Variants in CC2D2A observed in about 807,000 individuals in gnomAD.
CC2D2A encodes coiled-coil and C2 domain-containing protein 2A.
CC2D2A carries 155 observed loss-of-function variants against 212.9 expected under a neutral mutation model. The ratio of observed to expected loss-of-function variants is 0.73; its 90% CI spans 0.64 to 0.83. The LOEUF (loss-of-function observed/expected upper bound fraction) is 0.83. CC2D2A is among the 40% of genes least tolerant of loss of function. The pLI is 0.00. For missense variants in CC2D2A, 1,856 were observed against 1,956.2 expected, an observed-to-expected ratio of 0.95 and a Z score of 0.97; for synonymous variants, 667 against 686.5, an observed-to-expected ratio of 0.97 and a Z score of 0.44.
chr4:15,600,815 C>G (rs1306691426), intron 36 of CC2D2A, among the ~76,000 whole-genome samples: 1 of 147,096 alleles, frequency 6.8e-6, no homozygotes, highest in Non-Finnish European at 1.5e-5. Flanking sequence ...GTGGGGGGAC[C>G]ATTTGAGCCC....
chr4:15,577,665 G>T (rs1019220876), intron 29 of CC2D2A, among the ~76,000 whole-genome samples: 1 of 151,850 alleles, frequency 6.6e-6, no homozygotes, highest in African/African-American at 2.4e-5. Flanking sequence ...AGAGGCAAGT[G>T]ACTCAACAGA....
intron 4 of CC2D2A, chr4:15,481,697 C>T: frequency 8.9e-6 from 7 of 785,614 alleles, no homozygotes; most frequent in Non-Finnish European, 1.1e-5. Flanking sequence ...CCAAAATAAA[C>T]CTCTTTTCTT....
At chr4:15,510,601 T>C (rs1276017545) in intron 7 of CC2D2A, among the ~76,000 whole-genome samples, 1 of 152,038 alleles carries the variant, frequency 6.6e-6, no homozygotes, top group Non-Finnish European at 1.5e-5. Context: ...ATCTCTTAAT[T>C]AAAAATAAAT....
rs376562389 is a variant in CC2D2A at position 15,537,011 on chromosome 4, T to C, written c.1699T>C (p.Tyr567His). The C allele has an allele frequency of 3.7e-6, 6 of 1,612,308 alleles. No homozygotes were observed. In the African/African-American group the frequency reaches 8.1e-5, roughly 22 times the overall value. ...SELLEEHTEE[Y>H]AQKMEEYRTS... The stretch of plus-strand genomic sequence containing the variant: ...ACTGTTAGAAGAGCACACGGAGGAG[T>C]ACGCACAGAAGATGGAAGAATACAG... Residue 567 changes from tyrosine to histidine, a missense_variant, in exon 15 of 37, where the codon TAC (tyrosine) becomes CAC (histidine). By Grantham distance (83) the Tyr-to-His change is moderately conservative. This residue lies in a region of CC2D2A where 1,512 missense variants were observed against 1,579.3 expected (regional missense o/e 0.96). Transcript: ENST00000424120.
chr4:15,481,578 C>T (rs146285754), intron 4 of CC2D2A: 173 of 173,146 alleles, frequency 1.0e-3, no homozygotes, highest in Non-Finnish European at 1.8e-3. Context: ...TCTCACCATG[C>T]GACACACCTG....
chr4:15,535,005 GAAAAA>G (rs958217895), intron 14 of CC2D2A, among the ~76,000 whole-genome samples: 1 of 138,428 alleles, frequency 7.2e-6, no homozygotes, highest in Non-Finnish European at 1.6e-5. Context: ...TTATAAAATT[GAAAAA>G]AAAAAGGTTA....
chr4:15,477,725 G>C (rs746016705), intron 2 of CC2D2A, among the ~76,000 whole-genome samples: 10 of 152,134 alleles, frequency 6.6e-5, no homozygotes, highest in Non-Finnish European at 8.8e-5. Flanking sequence ...TCAGAGATCA[G>C]GTCACATACA....
intron 6 of CC2D2A, among the ~76,000 whole-genome samples, chr4:15,505,054 A>G (rs530998534): frequency 6.6e-6 from 1 of 152,188 alleles, no homozygotes; most frequent in Admixed American, 6.5e-5. Context: ...AGTTCTTGGT[A>G]TTGTTTTGAG....
chr4:15,491,169 G>A (rs1395184143), intron 4 of CC2D2A, among the ~76,000 whole-genome samples: 4 of 152,224 alleles, frequency 2.6e-5, no homozygotes, highest in South Asian at 2.1e-4. Flanking sequence ...AGAAACTGCC[G>A]ATATACTTTT....
In CC2D2A at chr4:15,536,993, G is replaced by A; in HGVS notation, c.1681G>A (p.Glu561Lys). 2 of 1,613,858 alleles carry A rather than the reference G, an allele frequency of 1.2e-6. No homozygotes were observed. Among genetic ancestry groups the A allele is most frequent in the Non-Finnish European group, 1.7e-6 (2 of 1,179,800 alleles). The change falls in exon 15 of 37, where the codon GAA (glutamate) becomes AAA (lysine). Residue 561 changes from glutamate (E) to lysine (K), a missense_variant. By Grantham distance (56) the Glu-to-Lys change is moderately conservative (BLOSUM62 1). This residue lies in a region of CC2D2A where 1,512 missense variants were observed against 1,579.3 expected (regional missense o/e 0.96). Coordinates refer to ENST00000424120, the MANE Select transcript of CC2D2A (RefSeq NM_001378615.1). ...EIQAEISELL[E>K]EHTEEYAQKM... ...TCAAGCTGAAATAAGTGAACTGTTA[G>A]AAGAGCACACGGAGGAGTACGCACA...
chr4:15,574,361 T>C (rs1259286843), intron 29 of CC2D2A, 35 bp downstream of exon 29: 1 of 1,471,754 alleles, frequency 6.8e-7, no homozygotes, highest in South Asian at 1.3e-5. Context: ...CATGTCTATG[T>C]TGATAAAACA....
intron 33 of CC2D2A, 120 bp from the exon 34 acceptor site, chr4:15,595,965 C>T (rs939550629): frequency 6.2e-5 from 35 of 568,486 alleles, no homozygotes; most frequent in East Asian, 2.7e-4. Flanking sequence ...AAAATGTATG[C>T]GGCCTATATG....
At chr4:15,491,320 C>T (rs1475274870) in intron 4 of CC2D2A, among the ~76,000 whole-genome samples, 1 of 152,024 alleles carries the variant, frequency 6.6e-6, no homozygotes, top group Non-Finnish European at 1.5e-5. Flanking sequence ...ATGCTTTTAA[C>T]TTGCACTTCC....
intron 8 of CC2D2A, among the ~76,000 whole-genome samples, chr4:15,513,183 C>T (rs1298061867): frequency 1.3e-5 from 2 of 152,196 alleles, no homozygotes; most frequent in Non-Finnish European, 2.9e-5. Context: ...TTCTACAAAT[C>T]AGCATTCAGG....
intron 30 of CC2D2A, among the ~76,000 whole-genome samples, chr4:15,583,791 T>C (rs942584409): frequency 3.3e-5 from 5 of 151,468 alleles, no homozygotes; most frequent in African/African-American, 1.2e-4. Flanking sequence ...CTACTAAAAA[T>C]ACAAAAAAAG....
At chr4:15,540,579 C>T (rs1190397047) in intron 16 of CC2D2A, among the ~76,000 whole-genome samples, 1 of 152,092 alleles carries the variant, frequency 6.6e-6, no homozygotes, top group Non-Finnish European at 1.5e-5. Flanking sequence ...CCTGAAAAAC[C>T]TGAGGAGACT....
At chr4:15,498,731 G>A (rs1034933811) in intron 4 of CC2D2A, among the ~76,000 whole-genome samples, 2 of 152,188 alleles carry the variant, frequency 1.3e-5, no homozygotes, top group African/African-American at 4.8e-5. Flanking sequence ...GAGGGAACTG[G>A]TACCTTTGGC....
chr4:15,520,874 G>A (rs1266175503), intron 11 of CC2D2A, among the ~76,000 whole-genome samples: 2 of 152,154 alleles, frequency 1.3e-5, no homozygotes, highest in East Asian at 1.9e-4. Flanking sequence ...CCTGGACTAA[G>A]GAACTTGGGC....
intron 4 of CC2D2A, chr4:15,481,513 AAAAC>A (rs1397051974): frequency 3.3e-5 from 6 of 182,306 alleles, no homozygotes; most frequent in Admixed American, 5.9e-5. Context: ...TCCATCTCAG[AAAAC>A]AAACAAACAA....
Sources: allele counts gnomAD v4.1 joint callset (sites outside exome capture counted in the v4.1 genomes callset), GRCh38; gene constraint gnomAD v4.1.1; regional missense constraint gnomAD v4.1.1; transcripts MANE v1.5; gene names NCBI Gene and HGNC (gene_info 2026-07-23, HGNC 2026-07-21).